Variants in KLHL29 observed in about 807,000 individuals in gnomAD.
KLHL29 encodes kelch like family member 29.
A neutral mutation model predicts 80.4 loss-of-function variants in KLHL29; 21 were observed. The ratio of observed to expected loss-of-function variants is 0.26; its 90% CI spans 0.19 to 0.38. The LOEUF is 0.38. KLHL29 is among the 10% of genes least tolerant of loss of function. The pLI, the probability that KLHL29 is intolerant of heterozygous loss-of-function variation, is 1.00. For synonymous variants in KLHL29, 511 were observed against 526.8 expected (o/e 0.97, Z 0.41); for missense variants, 867 against 1,223.9 (o/e 0.71, Z 4.35).
At chr2:23,627,501 G>A (rs1669345727) in intron 3 of KLHL29, among the ~76,000 whole-genome samples, 1 of 152,114 alleles carries the variant, frequency 6.6e-6, no homozygotes, top group African/African-American at 2.4e-5. Flanking sequence ...CTAGGCTACC[G>A]TCCTGAGACC....
At chr2:23,467,708 C>T (rs1015586641) in intron 1 of KLHL29, among the ~76,000 whole-genome samples, 4 of 152,202 alleles carry the variant, frequency 2.6e-5, no homozygotes, top group Middle Eastern at 3.4e-3. Context: ...AGCATCTGCC[C>T]GAAGGTCTTG....
chr2:23,609,362 C>T (rs555831440), intron 3 of KLHL29, among the ~76,000 whole-genome samples: 4 of 152,156 alleles, frequency 2.6e-5, no homozygotes, highest in African/African-American at 4.8e-5. Flanking sequence ...GAGTTGTAAG[C>T]TTGGTGCTTG....
chr2:23,537,378 G>A (rs1463999858), intron 2 of KLHL29, among the ~76,000 whole-genome samples: 2 of 135,034 alleles, frequency 1.5e-5, no homozygotes, highest in Non-Finnish European at 3.4e-5. Flanking sequence ...GTAACTTCTA[G>A]TTGAGTTTGA....
intron 1 of KLHL29, among the ~76,000 whole-genome samples, chr2:23,462,638 G>A (rs1244588202): frequency 6.6e-6 from 1 of 152,168 alleles, no homozygotes; most frequent in Admixed American, 6.5e-5. Flanking sequence ...TCAGACCTTT[G>A]ACAGGATAAG....
At chr2:23,419,875 A>G (rs1662736200) in intron 1 of KLHL29, among the ~76,000 whole-genome samples, 1 of 152,082 alleles carries the variant, frequency 6.6e-6, no homozygotes, top group Non-Finnish European at 1.5e-5. Context: ...TCATTACTCC[A>G]GGATTAGGCT....
chr2:23,464,988 C>T (rs1462667527), intron 1 of KLHL29, among the ~76,000 whole-genome samples: 1 of 152,188 alleles, frequency 6.6e-6, no homozygotes, highest in Admixed American at 6.5e-5. Flanking sequence ...CAACAGCAGC[C>T]CTTCCTCATC....
At chr2:23,421,119 G>A (rs1662788975) in intron 1 of KLHL29, among the ~76,000 whole-genome samples, 1 of 152,230 alleles carries the variant, frequency 6.6e-6, no homozygotes, top group African/African-American at 2.4e-5. Flanking sequence ...GCTCAGTAGT[G>A]TAGACAAGGC....
At chr2:23,505,314 C>T (rs974001838) in intron 2 of KLHL29, among the ~76,000 whole-genome samples, 2 of 152,174 alleles carry the variant, frequency 1.3e-5, no homozygotes, top group Non-Finnish European at 2.9e-5. Context: ...GCTGCCTCCC[C>T]GACCTCCGTG....
At chr2:23,419,256 A>G (rs933341650) in intron 1 of KLHL29, among the ~76,000 whole-genome samples, 2 of 152,206 alleles carry the variant, frequency 1.3e-5, no homozygotes, top group Admixed American at 1.3e-4. Flanking sequence ...TCTGGCCAGA[A>G]CTGTCCCGCT....
chr2:23,699,163 G>A (rs572792411), intron 11 of KLHL29, among the ~76,000 whole-genome samples: 1 of 152,344 alleles, frequency 6.6e-6, no homozygotes, highest in African/African-American at 2.4e-5. Flanking sequence ...CTCGCTCAGA[G>A]GCAGAGGCAC....
chr2:23,446,328 G>T (rs1287899782), intron 1 of KLHL29, among the ~76,000 whole-genome samples: 1 of 151,998 alleles, frequency 6.6e-6, no homozygotes, highest in Non-Finnish European at 1.5e-5. Flanking sequence ...TCCACATGGG[G>T]TCTATTTGCC....
At chr2:23,581,422 G>C (rs890935463) in intron 3 of KLHL29, among the ~76,000 whole-genome samples, 2 of 152,210 alleles carry the variant, frequency 1.3e-5, no homozygotes, top group Non-Finnish European at 2.9e-5. Context: ...CTTCCCTAAT[G>C]TCAATGACTC....
At chr2:23,598,900 G>A (rs998225122) in intron 3 of KLHL29, among the ~76,000 whole-genome samples, 3 of 152,258 alleles carry the variant, frequency 2.0e-5, no homozygotes, top group African/African-American at 7.2e-5. Context: ...TTCGGCCCCA[G>A]AAGGCTGGGG....
At chr2:23,632,632 C>A (rs533416446) in intron 3 of KLHL29, among the ~76,000 whole-genome samples, 38 of 152,338 alleles carry the variant, frequency 2.5e-4, no homozygotes, top group African/African-American at 8.2e-4. Flanking sequence ...GTGCCCGCAA[C>A]AAATGCACTT....
chr2:23,480,916 G>A (rs1664781160), intron 2 of KLHL29, among the ~76,000 whole-genome samples: 1 of 152,138 alleles, frequency 6.6e-6, no homozygotes, highest in Non-Finnish European at 1.5e-5. Flanking sequence ...TGACTCCTTT[G>A]CTAGGACCCT....
intron 5 of KLHL29, among the ~76,000 whole-genome samples, chr2:23,655,214 C>T (rs767596594): frequency 2.6e-5 from 4 of 152,152 alleles, no homozygotes; most frequent in African/African-American, 4.8e-5. Flanking sequence ...GGGAGTCAGG[C>T]GGCCCTGGGG....
At chr2:23,540,063 C>T (rs1320711259) in intron 2 of KLHL29, among the ~76,000 whole-genome samples, 2 of 152,156 alleles carry the variant, frequency 1.3e-5, no homozygotes, top group South Asian at 2.1e-4. Flanking sequence ...GTTTCTGGCT[C>T]CTAGTTGTTT....
intron 3 of KLHL29, among the ~76,000 whole-genome samples, chr2:23,612,059 CTG>C (rs1314853732): frequency 2.0e-5 from 3 of 152,178 alleles, no homozygotes; most frequent in Non-Finnish European, 2.9e-5. Flanking sequence ...GAGGAAGAAA[CTG>C]TGTCAGAAGC....
At chr2:23,570,466 C>T (rs1667691881) in intron 3 of KLHL29, among the ~76,000 whole-genome samples, 1 of 152,188 alleles carries the variant, frequency 6.6e-6, no homozygotes. Context: ...CGGGGTCACC[C>T]TTGCTAGACC....
Sources: allele counts gnomAD v4.1 joint callset (sites outside exome capture counted in the v4.1 genomes callset), GRCh38; gene constraint gnomAD v4.1.1; transcripts MANE v1.5; gene names NCBI Gene and HGNC (gene_info 2026-07-23, HGNC 2026-07-21).